PKNOX2: variants seen among roughly 807,000 people sequenced by gnomAD.
The protein encoded by PKNOX2 is homeobox protein PKNOX2.
In PKNOX2, 14 loss-of-function variants were observed where a neutral mutation model predicts 53.1. That is an observed-to-expected ratio of 0.26 (90% CI 0.17 to 0.41). PKNOX2 has a LOEUF of 0.41. Ranked by LOEUF, PKNOX2 falls within the 10% of genes least tolerant of loss-of-function variation. PKNOX2 has a pLI of 1.00. For synonymous variants in PKNOX2, 257 were observed against 242.8 expected (o/e 1.06, Z -0.54); for missense variants, 496 against 602.8 (o/e 0.82, Z 1.85).
chr11:125,400,196 T>C (rs553086622), intron 7 of PKNOX2, among the ~76,000 whole-genome samples: 2 of 152,240 alleles, frequency 1.3e-5, no homozygotes, highest in African/African-American at 4.8e-5. Context: ...AGCGAGGCAC[T>C]GAGAAAGAGA....
chr11:125,278,182 G>A (rs1946308947), intron 2 of PKNOX2, among the ~76,000 whole-genome samples: 1 of 149,166 alleles, frequency 6.7e-6, no homozygotes, highest in Non-Finnish European at 1.5e-5. Flanking sequence ...TTGCACCACT[G>A]CATGCCCACT....
At chr11:125,243,741 G>A (rs2135620655) in intron 2 of PKNOX2, among the ~76,000 whole-genome samples, 1 of 151,928 alleles carries the variant, frequency 6.6e-6, no homozygotes, top group South Asian at 2.1e-4. Flanking sequence ...TCCTGCCTCA[G>A]CCTCCCGAGT....
chr11:125,354,731 T>A (rs1951508052), intron 4 of PKNOX2, among the ~76,000 whole-genome samples: 1 of 152,228 alleles, frequency 6.6e-6, no homozygotes, highest in Non-Finnish European at 1.5e-5. Context: ...AATTTCATTT[T>A]TGAAGTTTGG....
chr11:125,385,675 C>G lies in PKNOX2; in HGVS notation c.352C>G (p.Gln118Glu), dbSNP rs545472680. ...DIENFVHQQEQEHKPFFSDDP... is the reference protein window; with the variant it reads ...DIENFVHQQEEEHKPFFSDDP... The stretch of plus-strand genomic sequence containing the variant: ...CGAGAACTTTGTCCACCAGCAGGAA[C>G]AGGAGCACAAACCCTTCTTCAGCGA... Residue 118 changes from glutamine (Q) to glutamate (E), a missense_variant, in exon 6 of 13, where the codon CAG (glutamine) becomes GAG (glutamate). By Grantham distance (29) the Gln-to-Glu change is conservative (BLOSUM62 2). Transcript: ENST00000298282. The G allele has an allele frequency of 1.6e-5, 26 of 1,613,912 alleles. No homozygotes were observed. In the South Asian group the frequency reaches 2.4e-4, roughly 15 times the overall value.
intron 2 of PKNOX2, among the ~76,000 whole-genome samples, chr11:125,236,044 C>CATAT (rs1942654423): frequency 1.3e-5 from 2 of 152,224 alleles, no homozygotes; most frequent in African/African-American, 4.8e-5. Flanking sequence ...GGCTTCCAAC[C>CATAT]AGTCCATGGA....
chr11:125,172,991 G>A (rs993945386), intron 1 of PKNOX2, among the ~76,000 whole-genome samples: 1 of 152,196 alleles, frequency 6.6e-6, no homozygotes, highest in African/African-American at 2.4e-5. Context: ...TGTTGAGACA[G>A]CGTGGGGCTA....
chr11:125,183,264 C>T lies in PKNOX2; in HGVS notation c.-201+18488C>T, dbSNP rs1438707394. ...TCACTCTGTCGCCCAGGTCGGACTG[C>T]GGACTGCAGTGGTGCAATCTCGGCT... On this transcript the variant is annotated intron_variant, in intron 1 of 12. Transcript: ENST00000298282. Among the ~76,000 whole-genome samples, 5 of 49,514 alleles carry T rather than the reference C, an allele frequency of 1.0e-4. 2 individuals are homozygous for T. Among genetic ancestry groups the T allele is most frequent in the African/African-American group, 2.3e-4 (3 of 13,308 alleles). 32.5% of individuals were successfully genotyped at this position (49,514 alleles called of 152,430 possible).
intron 2 of PKNOX2, among the ~76,000 whole-genome samples, chr11:125,253,045 C>T (rs1419485567): frequency 3.3e-5 from 5 of 152,096 alleles, no homozygotes; most frequent in Admixed American, 6.5e-5. Context: ...CAGTCAAGAA[C>T]GAGTAGGAAG....
At chr11:125,356,464 G>A (rs12283163) in intron 4 of PKNOX2, among the ~76,000 whole-genome samples, 4,677 of 152,270 alleles carry the variant, frequency 0.031, 236 homozygotes, top group African/African-American at 0.099. Flanking sequence ...GGCTCACTTC[G>A]GAAGGAAGTC....
rs3740899 is a variant in PKNOX2 at position 125,397,840 on chromosome 11, A to G, written c.400-34A>G. 9,429 of 1,571,196 alleles carry G rather than the reference A, an allele frequency of 6.0e-3. 253 individuals carry two copies. In the East Asian group the frequency reaches 0.069, roughly 11 times the overall value. ...CAGGCAGTGAGGGAAATGGGATGCA[A>G]ACACCTGGGCTCACCTCTCCTCCCT... On this transcript the variant is annotated intron_variant, in intron 6 of 12. Coordinates refer to ENST00000298282, the MANE Select transcript of PKNOX2 (RefSeq NM_001382323.2).
chr11:125,262,963 C>A (rs1404061790), intron 2 of PKNOX2, among the ~76,000 whole-genome samples: 1 of 152,120 alleles, frequency 6.6e-6, no homozygotes, highest in Admixed American at 6.5e-5. Flanking sequence ...GAGGTTGTGC[C>A]GGGAGTAATG....
rs765615572 is a variant in PKNOX2 at position 125,166,258 on chromosome 11, G to A, written c.-201+1482G>A. Among the ~76,000 whole-genome samples the A allele has an allele frequency of 5.3e-5, 8 of 152,140 alleles. No homozygotes were observed. Among genetic ancestry groups the A allele is most frequent in the Admixed American group, 2.0e-4 (3 of 15,282 alleles). On this transcript the variant is annotated intron_variant, in intron 1 of 12. Transcript: ENST00000298282. The surrounding 1 kb of genome is among the most constrained non-coding windows in gnomAD (Gnocchi z 4.0). The stretch of plus-strand genomic sequence containing the variant: ...GGTGGAAGCTATTGGAATTTGGGGA[G>A]GGTAGCACGAGGGGTCCTGCAGCTC...
At chr11:125,247,789 C>A (rs146828494) in intron 2 of PKNOX2, among the ~76,000 whole-genome samples, 1 of 152,130 alleles carries the variant, frequency 6.6e-6, no homozygotes, top group Non-Finnish European at 1.5e-5. Flanking sequence ...TCCAGAGGTG[C>A]GCAGGATAGG....
Position 125,364,908 on chromosome 11 carries a change from G to A in PKNOX2, c.88-2938G>A, listed in dbSNP as rs527837083. Among the ~76,000 whole-genome samples, 5 of 152,118 alleles carry A rather than the reference G, an allele frequency of 3.3e-5. No individual in the cohort carries two copies. The East Asian group carries it at 7.8e-4, about 24-fold the overall frequency. On this transcript the variant is annotated intron_variant, in intron 4 of 12. Coordinates refer to ENST00000298282, the MANE Select transcript of PKNOX2 (RefSeq NM_001382323.2). ...CAGCTGAAGCTCCCATCTTCTCCAC[G>A]GTGGCCCAGCTGGTCAGTCCGACTC...
At chr11:125,228,561 G>C (rs1014231488) in intron 1 of PKNOX2, among the ~76,000 whole-genome samples, 11 of 152,196 alleles carry the variant, frequency 7.2e-5, no homozygotes, top group Admixed American at 5.2e-4. Context: ...AGGTGTTGCT[G>C]TATGGTCCAT....
chr11:125,221,110 G>A (rs538202538), intron 1 of PKNOX2, among the ~76,000 whole-genome samples: 8 of 152,192 alleles, frequency 5.3e-5, no homozygotes, highest in East Asian at 1.9e-4. Flanking sequence ...AGCCGAGATC[G>A]CGCCACTGCA....
intron 2 of PKNOX2, among the ~76,000 whole-genome samples, chr11:125,302,850 A>G (rs116561241): frequency 3.6e-4 from 55 of 152,312 alleles, no homozygotes; most frequent in African/African-American, 1.3e-3. Flanking sequence ...AAGTCAGGCA[A>G]TACCTGAGCT....
rs532519477 is a variant in PKNOX2, at chr11:125,231,459, GATGA to G, written c.-200-3583_-200-3580del. ...ATTTATGATTCCATTTTATTTTCAC[GATGA>G]ATAAGACAAGCCTGAGTTCAAATTC... On this transcript the variant is annotated intron_variant, in intron 1 of 12. Transcript: ENST00000298282. Among the ~76,000 whole-genome samples the G allele has an allele frequency of 1.8e-3, 275 of 152,164 alleles. 1 individual carries two copies. Among genetic ancestry groups the G allele is most frequent in the Non-Finnish European group, 3.3e-3 (226 of 68,026 alleles).
At chr11:125,277,287 C>T (rs553864123) in intron 2 of PKNOX2, among the ~76,000 whole-genome samples, 1 of 152,286 alleles carries the variant, frequency 6.6e-6, no homozygotes, top group African/African-American at 2.4e-5. Flanking sequence ...CTAGGAAGGA[C>T]AGCCAGCTAG....
Sources: allele counts gnomAD v4.1 joint callset (sites outside exome capture counted in the v4.1 genomes callset), GRCh38; gene constraint gnomAD v4.1.1; non-coding constraint Gnocchi (gnomAD v3.1); transcripts MANE v1.5; gene names NCBI Gene and HGNC (gene_info 2026-07-23, HGNC 2026-07-21).